The following MYH11 variants were observed in gnomAD, a reference collection of about 807,000 sequenced individuals.
The protein encoded by MYH11 is myosin heavy chain 11.
Under a neutral mutation model 246.6 loss-of-function variants are expected in MYH11, and 80 were observed. The observed-to-expected ratio is 0.32, with a 90% CI of 0.27 to 0.39. The LOEUF is 0.39. MYH11 is among the 10% of genes least tolerant of loss of function. The pLI is 1.00. For missense variants in MYH11, 2,158 were observed against 2,546.8 expected (o/e 0.85, Z 3.29); for synonymous variants, 1,071 against 1,015.5 (o/e 1.05, Z -1.04).
chr16:15,852,443 G>A (rs759798851), intron 1 of MYH11, among the ~76,000 whole-genome samples: 9 of 146,348 alleles, frequency 6.1e-5, no homozygotes, highest in African/African-American at 1.5e-4. Flanking sequence ...AGCGATTCTC[G>A]TGCCTCAGCC....
At chr16:15,797,585 T>C (rs1191206963) in intron 4 of MYH11, among the ~76,000 whole-genome samples, 1 of 148,468 alleles carries the variant, frequency 6.7e-6, no homozygotes, top group Non-Finnish European at 1.5e-5. Flanking sequence ...ATACATATTA[T>C]ATATTATGTA....
intron 9 of MYH11, among the ~76,000 whole-genome samples, chr16:15,769,377 G>A (rs2042049547): frequency 6.6e-6 from 1 of 152,242 alleles, no homozygotes; most frequent in Non-Finnish European, 1.5e-5. Context: ...GCACATGTCT[G>A]TAGTCTCAAC....
At position 15,778,851 on chromosome 16, in the gene MYH11, C is replaced by T. The variant is rs1211905522; in HGVS notation, c.727-8G>A. 4 of 1,614,030 alleles carry T rather than the reference C, an allele frequency of 2.5e-6. No individual in the cohort carries two copies. Among genetic ancestry groups the T allele is most frequent in the African/African-American group, 1.3e-5 (1 of 75,002 alleles). On this transcript the variant is annotated splice_polypyrimidine_tract_variant and splice_region_variant and intron_variant, in intron 6 of 40. Coordinates refer to ENST00000300036, the MANE Select transcript of MYH11 (RefSeq NM_002474.3). ...GATGCGGATGAATTTGCCCTGCCAA[C>T]AGGAAAACACAGTTCAGGCTTTGCT...
intron 20 of MYH11, among the ~76,000 whole-genome samples, chr16:15,743,540 T>C (rs1222846508): frequency 6.6e-6 from 1 of 152,208 alleles, no homozygotes; most frequent in Non-Finnish European, 1.5e-5. Context: ...AAGCAGCATC[T>C]GCTGTCCTTC....
chr16:15,731,711 T>C (rs963413099), intron 27 of MYH11, among the ~76,000 whole-genome samples: 1 of 152,028 alleles, frequency 6.6e-6, no homozygotes, highest in African/African-American at 2.4e-5. Flanking sequence ...CAGGCTGGTC[T>C]CGAACTCCTG....
intron 4 of MYH11, among the ~76,000 whole-genome samples, chr16:15,797,400 C>G (rs1177970007): frequency 1.3e-5 from 2 of 151,972 alleles, no homozygotes; most frequent in Middle Eastern, 3.2e-3. Context: ...GTTTTCCACT[C>G]AACGGTATTA....
intron 3 of MYH11, among the ~76,000 whole-genome samples, chr16:15,804,496 TG>T (rs2042965144): frequency 6.6e-6 from 1 of 152,144 alleles, no homozygotes; most frequent in Admixed American, 6.5e-5. Flanking sequence ...CACTCCAGCC[TG>T]GGTGACAGAG....
chr16:15,800,057 C>T (rs537738500), intron 3 of MYH11, among the ~76,000 whole-genome samples: 16 of 130,982 alleles, frequency 1.2e-4, no homozygotes, highest in African/African-American at 2.9e-4. Context: ...GACAGATGGA[C>T]GGGAGGGTGG....
intron 3 of MYH11, among the ~76,000 whole-genome samples, chr16:15,818,640 G>A (rs1213341268): frequency 3.3e-5 from 5 of 151,932 alleles, no homozygotes; most frequent in African/African-American, 7.3e-5. Context: ...GATTCACCAC[G>A]TTAGCCAGGA....
At chr16:15,718,253 G>C (rs2040272368) in intron 37 of MYH11, 62 bp downstream of exon 37, 1 of 1,602,606 alleles carries the variant, frequency 6.2e-7, no homozygotes, top group Non-Finnish European at 8.5e-7. Flanking sequence ...GTTGACTGGT[G>C]CAGGATCCTG....
At chr16:15,763,741 T>TCGGGGCCCCC in intron 10 of MYH11, 55 bp downstream of exon 10, 7 of 646,854 alleles carry the variant, frequency 1.1e-5, no homozygotes, top group East Asian at 9.5e-5. Context: ...AAATGTCACC[T>TCGGGGCCCCC]CCCCCACCCC....
At chr16:15,725,016 A>G in intron 28 of MYH11, 24 bp from the exon 29 acceptor site, 2 of 1,603,842 alleles carry the variant, frequency 1.2e-6, no homozygotes, top group Non-Finnish European at 1.7e-6. Flanking sequence ...GAGACTGGTT[A>G]GTCAAAGCCT....
chr16:15,795,616 A>G (rs1035626629), intron 4 of MYH11, among the ~76,000 whole-genome samples: 1 of 151,914 alleles, frequency 6.6e-6, no homozygotes, highest in African/African-American at 2.4e-5. Flanking sequence ...CATCTCAAAA[A>G]CAAACAAACA....
At chr16:15,776,861 A>G (rs936459201) in intron 7 of MYH11, among the ~76,000 whole-genome samples, 2 of 152,134 alleles carry the variant, frequency 1.3e-5, no homozygotes, top group South Asian at 2.1e-4. Context: ...TGAGGGTGGC[A>G]TGGAGATCAC....
chr16:15,788,095 T>TTTTTTTTTTTTTTTTCCA (rs11273419), intron 4 of MYH11, among the ~76,000 whole-genome samples: 1 of 99,488 alleles, frequency 1.0e-5, no homozygotes, highest in African/African-American at 3.4e-5. Flanking sequence ...TTTTTTTTTT[T>TTTTTTTTTTTTTTTTCCA]ACCAAGATGG....
chr16:15,828,096 G>T (rs1295950739), intron 2 of MYH11, among the ~76,000 whole-genome samples: 2 of 151,656 alleles, frequency 1.3e-5, no homozygotes, highest in Non-Finnish European at 2.9e-5. Flanking sequence ...ACTGGGTATG[G>T]GGTACTTGAA....
chr16:15,772,084 ACT>A (rs1213635858), intron 8 of MYH11, among the ~76,000 whole-genome samples: 3 of 121,556 alleles, frequency 2.5e-5, no homozygotes, highest in African/African-American at 3.0e-5. Context: ...ATCAACCTTT[ACT>A]CTTTTTTTTT....
rs371249159 is a variant in MYH11 at position 15,783,736 on chromosome 16, AGG to A, written c.634-1261_634-1260del. Among the ~76,000 whole-genome samples the A allele has an allele frequency of 4.1e-3, 619 of 152,284 alleles. 3 individuals carry two copies. The highest frequency in any genetic ancestry group is 0.014 in the African/African-American group (586 of 41,554). On this transcript the variant is annotated intron_variant, in intron 5 of 40. Transcript: ENST00000300036. Reference sequence around the variant, plus strand: ...CCCTTTCTAGAATGGGGATTCTGGCAGGTAAGGTTGAAAAGTCTTGGCAAGAG... The same window carrying A: ...CCCTTTCTAGAATGGGGATTCTGGCATAAGGTTGAAAAGTCTTGGCAAGAG...
chr16:15,821,613 C>A (rs1170638976), intron 3 of MYH11, among the ~76,000 whole-genome samples: 2 of 151,888 alleles, frequency 1.3e-5, no homozygotes, highest in African/African-American at 4.8e-5. Context: ...AGTGGGACCT[C>A]AGCTCCAGAA....
Sources: gnomAD v4.1 joint callset for allele counts (sites outside exome capture counted in the v4.1 genomes callset) on GRCh38, gnomAD v4.1.1 for gene constraint, MANE v1.5 for transcripts, NCBI Gene and HGNC (gene_info 2026-07-23, HGNC 2026-07-21) for gene names.